C12orf42: variants seen among roughly 807,000 people sequenced by gnomAD.
The protein encoded by C12orf42 is chromosome 12 open reading frame 42, also known as uncharacterized protein C12orf42.
Under a neutral mutation model 21.6 loss-of-function variants are expected in C12orf42, and 25 were observed. That is an observed-to-expected ratio of 1.16 (90% CI 0.84 to 1.62). The LOEUF is 1.62. Among genes scored for constraint, C12orf42 ranks in the 40% most tolerant of loss-of-function variants. C12orf42 has a pLI of 0.00. For missense variants in C12orf42, 483 were observed against 459.3 expected, an observed-to-expected ratio of 1.05 and a Z score of -0.47; for synonymous variants, 174 against 175.0, an observed-to-expected ratio of 0.99 and a Z score of 0.05.
the C12orf42 span, among the ~76,000 whole-genome samples, chr12:103,074,911 C>T: frequency 6.6e-6 from 1 of 151,918 alleles, no homozygotes; most frequent in Non-Finnish European, 1.5e-5. Context: ...CATAGGGAGA[C>T]TTTGTCTCTA....
At chr12:103,544,238 C>T in the C12orf42 span, among the ~76,000 whole-genome samples, 1 of 152,036 alleles carries the variant, frequency 6.6e-6, no homozygotes, top group African/African-American at 2.4e-5. Flanking sequence ...TTTTATTATT[C>T]CTAAACATGT....
chr12:103,560,222 T>C, the C12orf42 span, among the ~76,000 whole-genome samples: 1 of 152,186 alleles, frequency 6.6e-6, no homozygotes, highest in Non-Finnish European at 1.5e-5. Context: ...AACAAATTAG[T>C]GGCAGAGCAA....
intron 3 of C12orf42, among the ~76,000 whole-genome samples, chr12:103,398,071 A>T (rs1194687840): frequency 2.0e-5 from 3 of 152,166 alleles, no homozygotes; most frequent in African/African-American, 7.2e-5. Context: ...AAAATAAAAT[A>T]AAAGGTGTTT....
chr12:103,557,222 C>A, the C12orf42 span, among the ~76,000 whole-genome samples: 1 of 152,128 alleles, frequency 6.6e-6, no homozygotes, highest in Non-Finnish European at 1.5e-5. Context: ...AAAGTTTGAG[C>A]TCATTAGAGG....
chr12:103,502,512 T>C, the C12orf42 span, among the ~76,000 whole-genome samples: 1 of 151,602 alleles, frequency 6.6e-6, no homozygotes, highest in African/African-American at 2.4e-5. Flanking sequence ...CTGCCTTTGC[T>C]CTTGCCACTC....
intron 10 of C12orf42, among the ~76,000 whole-genome samples, chr12:103,254,909 A>G (rs953528504): frequency 9.2e-5 from 14 of 152,262 alleles, no homozygotes; most frequent in Admixed American, 3.9e-4. Context: ...CGAGTACCCC[A>G]TAACTTAAAA....
At chr12:103,112,383 G>A in the C12orf42 span, among the ~76,000 whole-genome samples, 1 of 152,162 alleles carries the variant, frequency 6.6e-6, no homozygotes, top group Non-Finnish European at 1.5e-5. Context: ...ATTGTGGCCA[G>A]GCGTGGTGGC....
chr12:103,211,906 A>AT, the C12orf42 span, among the ~76,000 whole-genome samples: 11 of 152,240 alleles, frequency 7.2e-5, no homozygotes, highest in Admixed American at 3.3e-4. Context: ...GTTTGAAAGC[A>AT]TTTTTTTAAA....
At chr12:103,185,676 G>C in the C12orf42 span, among the ~76,000 whole-genome samples, 3 of 152,032 alleles carry the variant, frequency 2.0e-5, no homozygotes, top group African/African-American at 7.2e-5. Context: ...TTGAATCATG[G>C]GGGTGGTTTC....
the C12orf42 span, among the ~76,000 whole-genome samples, chr12:103,518,991 C>T: frequency 2.0e-5 from 3 of 152,146 alleles, no homozygotes; most frequent in African/African-American, 7.2e-5. Context: ...CCGTAACCCC[C>T]CATGTCAAGG....
chr12:103,344,176 G>T (rs1401335722), intron 4 of C12orf42, among the ~76,000 whole-genome samples: 3 of 152,156 alleles, frequency 2.0e-5, no homozygotes, highest in Non-Finnish European at 4.4e-5. Context: ...ACAATAAAGA[G>T]GGATGGCAGG....
chr12:103,219,738 G>C, the C12orf42 span, among the ~76,000 whole-genome samples: 1 of 152,060 alleles, frequency 6.6e-6, no homozygotes, highest in Admixed American at 6.6e-5. Flanking sequence ...TTAGAATGGC[G>C]ATCATTAAAA....
chr12:103,335,037 C>T (rs539330471), intron 4 of C12orf42, among the ~76,000 whole-genome samples: 13 of 152,064 alleles, frequency 8.5e-5, no homozygotes, highest in Non-Finnish European at 1.2e-4. Flanking sequence ...TGTTTCATTG[C>T]TTTGTTTTTA....
intron 4 of C12orf42, among the ~76,000 whole-genome samples, chr12:103,358,621 A>C (rs1225525215): frequency 6.6e-6 from 1 of 151,994 alleles, no homozygotes; most frequent in Non-Finnish European, 1.5e-5. Flanking sequence ...CAAAAAAAAA[A>C]ACAAAAAAAC....
chr12:103,270,483 TTTA>T (rs1457769809), intron 5 of C12orf42, among the ~76,000 whole-genome samples: 1 of 151,964 alleles, frequency 6.6e-6, no homozygotes, highest in Non-Finnish European at 1.5e-5. Flanking sequence ...GATTTACATT[TTTA>T]TTATTGATTT....
intron 2 of C12orf42, among the ~76,000 whole-genome samples, chr12:103,456,484 A>T (rs957960473): frequency 6.6e-6 from 1 of 152,200 alleles, no homozygotes; most frequent in Non-Finnish European, 1.5e-5. Flanking sequence ...TCAAAAGTCA[A>T]TACAAAACCT....
the C12orf42 span, among the ~76,000 whole-genome samples, chr12:103,129,287 T>C: frequency 4.5e-4 from 68 of 152,280 alleles, no homozygotes; most frequent in African/African-American, 1.5e-3. Flanking sequence ...GGAATGACTA[T>C]TGATTTTTTA....
chr12:103,117,532 C>T, the C12orf42 span, among the ~76,000 whole-genome samples: 1 of 152,218 alleles, frequency 6.6e-6, no homozygotes, highest in African/African-American at 2.4e-5. Flanking sequence ...TTACTTATTG[C>T]ATTCCAGGCC....
the C12orf42 span, chr12:103,178,315 T>C: frequency 1.3e-5 from 2 of 152,194 alleles, no homozygotes; most frequent in Non-Finnish European, 2.9e-5. Flanking sequence ...GACACATTTT[T>C]AGAAAGTGGC....
Sources: allele counts gnomAD v4.1 joint callset (sites outside exome capture counted in the v4.1 genomes callset), GRCh38; gene constraint gnomAD v4.1.1; transcripts MANE v1.5; gene names NCBI Gene and HGNC (gene_info 2026-07-23, HGNC 2026-07-21).